The following ADAMTS7 variants were observed in gnomAD, a reference collection of about 807,000 sequenced individuals.
ADAMTS7 encodes the protein A disintegrin and metalloproteinase with thrombospondin motifs 7.
In ADAMTS7, 89 loss-of-function variants were observed where a neutral mutation model predicts 172.6. The observed-to-expected ratio is 0.52, with a 90% CI of 0.43 to 0.61. The LOEUF (loss-of-function observed/expected upper bound fraction) is 0.61. ADAMTS7 is among the 20% of genes least tolerant of loss of function. The pLI, the probability that ADAMTS7 is intolerant of heterozygous loss-of-function variation, is 0.00. For missense variants in ADAMTS7, 1,973 were observed against 2,355.6 expected, an observed-to-expected ratio of 0.84 and a Z score of 3.36; for synonymous variants, 885 against 978.4, an observed-to-expected ratio of 0.90 and a Z score of 1.78.
intron 4 of ADAMTS7, among the ~76,000 whole-genome samples, chr15:78,796,282 G>A (rs1290528204): frequency 6.6e-6 from 1 of 152,166 alleles, no homozygotes; most frequent in Non-Finnish European, 1.5e-5. Flanking sequence ...GACCCAACTA[G>A]TCTACAAGCC....
intron 2 of ADAMTS7, 133 bp downstream of exon 2, chr15:78,800,059 C>A (rs1238911716): frequency 1.7e-5 from 13 of 763,906 alleles, no homozygotes; most frequent in Admixed American, 1.2e-4. Flanking sequence ...ACTTTACAGG[C>A]GTGAATACCG....
rs775998426 is a variant in ADAMTS7, at chr15:78,764,677, A to G, written c.4297T>C (p.Trp1433Arg). The change falls in exon 20 of 24, where the codon TGG becomes CGG. Residue 1433 changes from tryptophan to arginine, a missense_variant. Coordinates refer to ENST00000388820, the MANE Select transcript of ADAMTS7 (RefSeq NM_014272.5). ...CCGGAGCTACAGCGCACCGGCCTCC[A>G]GACCGCACCCAGGCCACAGGTGGTA... is the stretch of plus-strand genomic sequence containing the variant. ...CSTTCGLGAV[W>R]RPVRCSSGRD... is the part of the protein sequence containing the mutation. The G allele has an allele frequency of 3.8e-6, 6 of 1,562,708 alleles. 1 individual carries two copies. The South Asian group carries it at 4.7e-5, about 12-fold the overall frequency.
intron 1 of ADAMTS7, among the ~76,000 whole-genome samples, chr15:78,801,764 A>G (rs2055728126): frequency 6.6e-6 from 1 of 152,028 alleles, no homozygotes; most frequent in African/African-American, 2.4e-5. Flanking sequence ...TGCAGCCTCC[A>G]ACTCCTGAGC....
At chr15:78,798,570 T>C (rs2055677029) in intron 2 of ADAMTS7, among the ~76,000 whole-genome samples, 2 of 151,928 alleles carry the variant, frequency 1.3e-5, no homozygotes. Context: ...CTTCCCTCTA[T>C]CTCCCTAAGG....
intron 1 of ADAMTS7, 70 bp downstream of exon 1, chr15:78,811,051 G>C: frequency 3.3e-6 from 4 of 1,223,212 alleles, no homozygotes; most frequent in South Asian, 4.1e-5. Flanking sequence ...GGTGAGGAGG[G>C]ACAAAACCGA....
At chr15:78,780,673 C>T (rs1361897067) in intron 8 of ADAMTS7, among the ~76,000 whole-genome samples, 76 of 152,098 alleles carry the variant, frequency 5.0e-4, no homozygotes, top group African/African-American at 1.7e-3. Flanking sequence ...AGCTACCCTC[C>T]AGTGCCCCCC....
chr15:78,780,378 T>TCCCCTGGCCA (rs1021526068), intron 8 of ADAMTS7, among the ~76,000 whole-genome samples: 1 of 152,036 alleles, frequency 6.6e-6, no homozygotes, highest in East Asian at 1.9e-4. Context: ...GGGGGCCCGC[T>TCCCCTGGCCA]CCCCTGGCCA....
Position 78,789,811 on chromosome 15 carries a change from C to A in ADAMTS7, c.1056G>T (p.Arg352=), listed in dbSNP as rs774389196. Residue 352 remains arginine (R), a synonymous_variant, in exon 7 of 24, where the codon CGG becomes CGT. Coordinates refer to ENST00000388820, the MANE Select transcript of ADAMTS7 (RefSeq NM_014272.5). ...GGGACAGTCCCAGGGTCTCACAGGG[C>A]CGGTTCATGGCTGCACACAGGTCCT... is the stretch of plus-strand genomic sequence containing the variant. ...TRKDLCAAMN[R]PCETLGLSHV... 1.9e-6 allele frequency: 3 copies of A among 1,602,576 alleles called. No homozygotes were observed. Among genetic ancestry groups the A allele is most frequent in the Non-Finnish European group, 2.6e-6 (3 of 1,175,122 alleles).
At chr15:78,797,815 T>C in intron 3 of ADAMTS7, 133 bp downstream of exon 3, 1 of 1,039,538 alleles carries the variant, frequency 9.6e-7, no homozygotes, top group Non-Finnish European at 1.4e-6. Context: ...TATGGTAAAG[T>C]ATCCATCTGT....
Position 78,766,519 on chromosome 15 carries a change from C to G in ADAMTS7, c.3392G>C (p.Ser1131Thr). ...GCGGCCGGCCTGGCTAGGCCAAGGG[C>G]TCGGGGACCAAGGTCCCAGTACCCC... ...EEGVLGPWSP[S>T]PWPSQAGRSP... is the part of the protein sequence containing the mutation. Residue 1131 changes from serine (S) to threonine (T), a missense_variant, in exon 19 of 24, where the codon AGC becomes ACC. Physicochemically the swap from Ser to Thr is moderately conservative, Grantham distance 58. Transcript: ENST00000388820. The G allele has an allele frequency of 6.3e-7, 1 of 1,585,576 alleles. No homozygotes were observed. Among genetic ancestry groups the G allele is most frequent in the Non-Finnish European group, 8.6e-7 (1 of 1,167,590 alleles).
Position 78,788,347 on chromosome 15 carries a change from G to C in ADAMTS7, c.1206C>G (p.Gly402=). The change falls in exon 8 of 24, where the codon GGC becomes GGG. Residue 402 remains glycine (G), a synonymous_variant. Coordinates refer to ENST00000388820, the MANE Select transcript of ADAMTS7 (RefSeq NM_014272.5). ...GTTTCCCAACGGGCTCACAGTCATT[G>C]CCGCTTCCGTCATGCTGAATGCCAA... ...HSFGIQHDGS[G]NDCEPVGKRP... The C allele has an allele frequency of 6.2e-7, 1 of 1,613,198 alleles. No individual in the cohort carries two copies. Among genetic ancestry groups the C allele is most frequent in the South Asian group, 1.1e-5 (1 of 91,028 alleles).
chr15:78,804,098 C>T (rs984525245), intron 1 of ADAMTS7, among the ~76,000 whole-genome samples: 3 of 152,160 alleles, frequency 2.0e-5, no homozygotes, highest in Admixed American at 1.3e-4. Flanking sequence ...TGGCCTAGAG[C>T]CACACAGTAA....
At chr15:78,761,553 G>C (rs530795320) in intron 23 of ADAMTS7, among the ~76,000 whole-genome samples, 48 of 152,324 alleles carry the variant, frequency 3.2e-4, no homozygotes, top group Middle Eastern at 3.4e-3. Flanking sequence ...CCTCATTTAT[G>C]CAAGGATGGG....
Position 78,800,299 on chromosome 15 carries a change from C to G in ADAMTS7, c.349G>C (p.Gly117Arg). Residue 117 changes from glycine to arginine, a missense_variant, in exon 2 of 24, where the codon GGC (glycine) becomes CGC (arginine). This residue lies in a region of ADAMTS7 where 306 missense variants were observed against 288.0 expected (regional missense o/e 1.06). Coordinates refer to ENST00000388820, the MANE Select transcript of ADAMTS7 (RefSeq NM_014272.5). ...VSETRRRGGL[G>R]RAHIRAHTPA... Reference sequence around the variant, plus strand: ...GTGTGGGCCCGGATGTGCGCGCGGCCCAGGCCGCCGCGCCGCCGCGTCTCG... The same window carrying G: ...GTGTGGGCCCGGATGTGCGCGCGGCGCAGGCCGCCGCGCCGCCGCGTCTCG... 1 of 1,590,584 alleles carries G rather than the reference C, an allele frequency of 6.3e-7. No homozygotes were observed. The highest frequency in any genetic ancestry group is 8.5e-7 in the Non-Finnish European group (1 of 1,173,120).
In ADAMTS7 at chr15:78,763,685, G is replaced by A. The variant is rs761829287; in HGVS notation, c.4740+14C>T. On this transcript the variant is annotated intron_variant, in intron 22 of 23. Coordinates refer to ENST00000388820, the MANE Select transcript of ADAMTS7 (RefSeq NM_014272.5). ...AAGCACTTGCTCCCTGCTCCTCCCC[G>A]CAGCCCGGCTCACCTGGCCCCAGGG... 16 of 1,519,624 alleles carry A rather than the reference G, an allele frequency of 1.1e-5. No homozygotes were observed. The highest frequency in any genetic ancestry group is 4.1e-5 in the Admixed American group (2 of 48,670). The allele number at this position is 1,519,624 out of a possible 1,614,324, so 94.1% of individuals were successfully genotyped here.
At position 78,767,954 on chromosome 15, in the gene ADAMTS7, G is replaced by A. The variant is rs576497329; in HGVS notation, c.2645+179C>T. Among the ~76,000 whole-genome samples, 7 of 147,786 alleles carry A rather than the reference G, an allele frequency of 4.7e-5. No individual in the cohort carries two copies. The South Asian group carries it at 8.7e-4, about 18-fold the overall frequency. On this transcript the variant is annotated intron_variant, in intron 17 of 23. Transcript: ENST00000388820. The stretch of plus-strand genomic sequence containing the variant: ...AGCCTTGGGAAGAGAATAAAAGCCC[G>A]GCTCCCTCTGCTCCTCCCCAGGGCC...
chr15:78,784,402 A>G (rs2869861), intron 8 of ADAMTS7, among the ~76,000 whole-genome samples: 36,604 of 112,170 alleles, frequency 0.33, 6,873 homozygotes, highest in Non-Finnish European at 0.43. Flanking sequence ...GAGGGAGAGG[A>G]AGAGGGGGGA....
intron 16 of ADAMTS7, among the ~76,000 whole-genome samples, chr15:78,770,170 T>C (rs937478245): frequency 4.2e-5 from 6 of 141,968 alleles, no homozygotes; most frequent in Non-Finnish European, 9.6e-5. Flanking sequence ...CTCTAACAAA[T>C]AAAATAAAAT....
Position 78,768,025 on chromosome 15 carries a change from G to GGGGGTGGGGAGTTGGCGGGGGAT in ADAMTS7, c.2645+85_2645+107dup. ...GACCTGTGGCAGACCCAGGATGCCT[G>GGGGGTGGGGAGTTGGCGGGGGAT]GGGGTGGGGAGTTGGCGGGGGATGG... is the stretch of plus-strand genomic sequence containing the variant. On this transcript the variant is annotated intron_variant, in intron 17 of 23. Transcript: ENST00000388820. The GGGGGTGGGGAGTTGGCGGGGGAT allele has an allele frequency of 6.7e-6, 5 of 750,410 alleles. 1 individual carries two copies. In the South Asian group the frequency reaches 8.5e-5, roughly 13 times the overall value. 46.5% of individuals were successfully genotyped at this position (750,410 alleles called of 1,614,324 possible).
Sources: gnomAD v4.1 joint callset for allele counts (sites outside exome capture counted in the v4.1 genomes callset) on GRCh38, gnomAD v4.1.1 for gene constraint, gnomAD v4.1.1 regional missense constraint, MANE v1.5 for transcripts, NCBI Gene and HGNC (gene_info 2026-07-23, HGNC 2026-07-21) for gene names.